The following FHOD3 variants were observed in gnomAD, a reference collection of about 807,000 sequenced individuals.
FHOD3 encodes the protein FH1/FH2 domain-containing protein 3.
FHOD3 carries 90 observed loss-of-function variants against 173.0 expected under a neutral mutation model. That is an observed-to-expected ratio of 0.52 (90% CI 0.44 to 0.62). The LOEUF (loss-of-function observed/expected upper bound fraction) is 0.62. FHOD3 is among the 20% of genes least tolerant of loss of function. The probability of loss-of-function intolerance (pLI) is 0.00; values close to 1 mark genes in which losing one functional copy is unlikely to be tolerated. For missense variants in FHOD3, 1,945 were observed against 2,034.7 expected (o/e 0.96, Z 0.85); for synonymous variants, 828 against 823.0 (o/e 1.01, Z -0.10).
At position 36,297,819 on chromosome 18, in the gene FHOD3, C is replaced by G; in HGVS notation, c.-17C>G. On this transcript the variant is annotated 5_prime_UTR_variant, in exon 1 of 29. Coordinates refer to ENST00000590592, the MANE Select transcript of FHOD3 (RefSeq NM_001281740.3). The stretch of plus-strand genomic sequence containing the variant: ...CCGCTAACCCCGGGGCCCGCGCCCC[C>G]GCGGCAGGGATGCATCATGGCCACG... The G allele has an allele frequency of 6.7e-7, 1 of 1,499,086 alleles. No individual in the cohort carries two copies. The highest frequency in any genetic ancestry group is 8.9e-7 in the Non-Finnish European group (1 of 1,122,956). The allele number at this position is 1,499,086 out of a possible 1,614,324, so 92.9% of individuals were successfully genotyped here.
chr18:36,431,518 T>C (rs1224291205), intron 3 of FHOD3, among the ~76,000 whole-genome samples: 1 of 152,172 alleles, frequency 6.6e-6, no homozygotes, highest in African/African-American at 2.4e-5. Flanking sequence ...TGGGTAGAGG[T>C]TGCTGGTGGA....
chr18:36,360,761 A>G (rs1242064318), intron 2 of FHOD3, among the ~76,000 whole-genome samples: 1 of 152,154 alleles, frequency 6.6e-6, no homozygotes, highest in East Asian at 1.9e-4. Flanking sequence ...AGGTATTTCA[A>G]AGCCTTCATT....
intron 14 of FHOD3, among the ~76,000 whole-genome samples, chr18:36,676,641 AG>A (rs1392238982): frequency 6.6e-6 from 1 of 152,202 alleles, no homozygotes; most frequent in Non-Finnish European, 1.5e-5. Flanking sequence ...GACTTCTAGA[AG>A]CAGTGTATGA....
At position 36,498,450 on chromosome 18, in the gene FHOD3, T is replaced by C. The variant is rs555327389; in HGVS notation, c.338-3482T>C. Among the ~76,000 whole-genome samples, 4 of 152,164 alleles carry C rather than the reference T, an allele frequency of 2.6e-5. No individual in the cohort carries two copies. The South Asian group carries it at 8.3e-4, about 32-fold the overall frequency. On this transcript the variant is annotated intron_variant, in intron 3 of 28. Transcript: ENST00000590592. ...ATTTCTAGTCACTGACCAAGTAAAA[T>C]AGAAGACACAAATTACCAATACCAG...
intron 3 of FHOD3, among the ~76,000 whole-genome samples, chr18:36,466,763 C>G (rs1372287617): frequency 6.6e-6 from 1 of 152,014 alleles, no homozygotes; most frequent in Admixed American, 6.6e-5. Flanking sequence ...GCTGGCAGGT[C>G]CATTTGGTGG....
intron 3 of FHOD3, among the ~76,000 whole-genome samples, chr18:36,421,369 T>C (rs180786948): frequency 1.4e-4 from 21 of 152,336 alleles, no homozygotes; most frequent in African/African-American, 3.8e-4. Flanking sequence ...TAGCTTCTTT[T>C]GTAAGACTGT....
chr18:36,501,593 G>T (rs2055034827), intron 3 of FHOD3, among the ~76,000 whole-genome samples: 2 of 152,212 alleles, frequency 1.3e-5, no homozygotes, highest in African/African-American at 4.8e-5. Flanking sequence ...TGGAAATAGA[G>T]ATCTGGAGAG....
Position 36,368,451 on chromosome 18 carries a change from G to T in FHOD3, c.273-4229G>T, listed in dbSNP as rs912045760. Among the ~76,000 whole-genome samples the T allele has an allele frequency of 3.9e-5, 6 of 152,138 alleles. No individual in the cohort carries two copies. The South Asian group carries it at 1.2e-3, about 32-fold the overall frequency. Reference sequence around the variant, plus strand: ...ATGAATGAGAGGAGCACACATCTGGGGGGCAGCTCTGTGGAGATGTTAGGG... The same window carrying T: ...ATGAATGAGAGGAGCACACATCTGGTGGGCAGCTCTGTGGAGATGTTAGGG... On this transcript the variant is annotated intron_variant, in intron 2 of 28. Coordinates refer to ENST00000590592, the MANE Select transcript of FHOD3 (RefSeq NM_001281740.3).
intron 10 of FHOD3, among the ~76,000 whole-genome samples, chr18:36,648,992 G>C (rs936262127): frequency 6.6e-6 from 1 of 152,182 alleles, no homozygotes; most frequent in Non-Finnish European, 1.5e-5. Context: ...GTCTGCCCAT[G>C]GCCAGAAGCT....
At chr18:36,762,971 G>A (rs551674800) in intron 27 of FHOD3, among the ~76,000 whole-genome samples, 42 of 116,366 alleles carry the variant, frequency 3.6e-4, no homozygotes, top group East Asian at 7.9e-4. Context: ...TTATATATGC[G>A]TATTATATAC....
chr18:36,657,991 A>T lies in FHOD3; in HGVS notation c.1722-84A>T, dbSNP rs2036533389. ...CAGACCTGTTTCTCTTGCAAAAATT[A>T]AAATGGTTTGCTAAGTCTTATTTAC... On this transcript the variant is annotated intron_variant, in intron 13 of 28. Coordinates refer to ENST00000590592, the MANE Select transcript of FHOD3 (RefSeq NM_001281740.3). The T allele has an allele frequency of 5.9e-6, 6 of 1,021,326 alleles. No homozygotes were observed. In the African/African-American group the frequency reaches 6.6e-5, roughly 11 times the overall value. The allele number at this position is 1,021,326 out of a possible 1,614,324, so 63.3% of individuals were successfully genotyped here.
chr18:36,582,147 G>A (rs1214289360), intron 6 of FHOD3, among the ~76,000 whole-genome samples: 2 of 152,158 alleles, frequency 1.3e-5, no homozygotes, highest in Non-Finnish European at 2.9e-5. Flanking sequence ...GTTTGGAGAT[G>A]AAGGAAATAT....
intron 3 of FHOD3, among the ~76,000 whole-genome samples, chr18:36,383,597 G>A (rs2047894268): frequency 6.6e-6 from 1 of 152,200 alleles, no homozygotes; most frequent in Non-Finnish European, 1.5e-5. Context: ...GATGGGCAAT[G>A]TACTTTTAAA....
At chr18:36,705,875 G>T (rs2039847169) in intron 17 of FHOD3, among the ~76,000 whole-genome samples, 1 of 152,078 alleles carries the variant, frequency 6.6e-6, no homozygotes, top group African/African-American at 2.4e-5. Context: ...GGGACTTGGT[G>T]GGTATAAATG....
intron 5 of FHOD3, among the ~76,000 whole-genome samples, chr18:36,567,531 A>C (rs2058307946): frequency 6.6e-6 from 1 of 152,228 alleles, no homozygotes; most frequent in African/African-American, 2.4e-5. Flanking sequence ...AAAACCTATA[A>C]AGACAACTAT....
rs1025719253 is a variant in FHOD3 at position 36,605,644 on chromosome 18, A to AC, written c.813+2876_813+2877insC. ...CACCAAGGTATAATTTTTCACACACAAAAAAAAAAATTTGCAACCTCCGGC... is the reference window on the plus strand; with the variant it reads ...CACCAAGGTATAATTTTTCACACACACAAAAAAAAAATTTGCAACCTCCGGC... On this transcript the variant is annotated intron_variant, in intron 8 of 28. Coordinates refer to ENST00000590592, the MANE Select transcript of FHOD3 (RefSeq NM_001281740.3). Among the ~76,000 whole-genome samples, 465 of 86,118 alleles carry AC rather than the reference A, an allele frequency of 5.4e-3. 1 individual carries two copies. Among genetic ancestry groups the AC allele is most frequent in the African/African-American group, 0.01 (214 of 20,944 alleles). 56.5% of individuals were successfully genotyped at this position (86,118 alleles called of 152,430 possible). A position where few individuals can be genotyped will look rare whatever the true frequency, so the allele number is the denominator to read the frequency against.
chr18:36,766,142 C>A (rs2043129512), intron 27 of FHOD3, among the ~76,000 whole-genome samples: 1 of 152,050 alleles, frequency 6.6e-6, no homozygotes, highest in African/African-American at 2.4e-5. Flanking sequence ...TCAAAAGGAA[C>A]TGTAGAAGCC....
intron 3 of FHOD3, among the ~76,000 whole-genome samples, chr18:36,381,985 T>G (rs2047814617): frequency 6.6e-6 from 1 of 152,186 alleles, no homozygotes; most frequent in African/African-American, 2.4e-5. Context: ...TATGTGACCC[T>G]GGAATCACAC....
At chr18:36,501,724 A>G (rs879944250) in intron 3 of FHOD3, among the ~76,000 whole-genome samples, 16 of 152,286 alleles carry the variant, frequency 1.1e-4, no homozygotes, top group Middle Eastern at 3.4e-3. Flanking sequence ...TGTCCCATCT[A>G]CACATTATTC....
Sources: gnomAD v4.1 joint callset for allele counts (sites outside exome capture counted in the v4.1 genomes callset) on GRCh38, gnomAD v4.1.1 for gene constraint, MANE v1.5 for transcripts, NCBI Gene and HGNC (gene_info 2026-07-23, HGNC 2026-07-21) for gene names.